TAF4B: variants seen among roughly 807,000 people sequenced by gnomAD.
TAF4B encodes the protein transcription initiation factor TFIID subunit 4B.
In TAF4B, 38 loss-of-function variants were observed where a neutral mutation model predicts 86.4. That is an observed-to-expected ratio of 0.44 (90% CI 0.34 to 0.58). The LOEUF (loss-of-function observed/expected upper bound fraction) is 0.58. Among genes scored for constraint, TAF4B ranks in the 20% least tolerant of loss-of-function variants. The probability of loss-of-function intolerance (pLI) is 0.02; values close to 1 mark genes in which losing one functional copy is unlikely to be tolerated. For missense variants in TAF4B, 988 were observed against 1,027.6 expected (o/e 0.96, Z 0.53); for synonymous variants, 388 against 391.2 (o/e 0.99, Z 0.10).
At position 26,389,984 on chromosome 18, in the gene TAF4B, G is replaced by C; in HGVS notation, c.2561G>C (p.Arg854Pro). ...MEQEREMKYS[R>P]ALYLALLK Reference sequence around the variant, plus strand: ...CAGGAACGGGAGATGAAGTATTCTCGAGCTCTATACCTGGCCCTTCTGAAG... The same window carrying C: ...CAGGAACGGGAGATGAAGTATTCTCCAGCTCTATACCTGGCCCTTCTGAAG... The change falls in exon 15 of 15, where the codon CGA becomes CCA. Residue 854 changes from arginine to proline, a missense_variant. Arg to Pro is a moderately radical substitution (Grantham distance 103). Coordinates refer to ENST00000269142, the MANE Select transcript of TAF4B (RefSeq NM_005640.3). 1 of 1,614,006 alleles carries C rather than the reference G, an allele frequency of 6.2e-7. No homozygotes were observed. The highest frequency in any genetic ancestry group is 8.5e-7 in the Non-Finnish European group (1 of 1,179,978).
rs8083842 is a variant in TAF4B at position 26,255,932 on chromosome 18, G to A, written c.344-9238G>A. ...CAGAAGCCATCTCTGTATCTGAGCC[G>A]TCATCTGACTGGTTACTGTAACAAG... is the stretch of plus-strand genomic sequence containing the variant. On this transcript the variant is annotated intron_variant, in intron 1 of 14. Coordinates refer to ENST00000269142, the MANE Select transcript of TAF4B (RefSeq NM_005640.3). 2,858 of 1,285,258 alleles carry A rather than the reference G, an allele frequency of 2.2e-3. 28 individuals are homozygous for A. In the African/African-American group the frequency reaches 0.034, roughly 15 times the overall value. The allele number at this position is 1,285,258 out of a possible 1,614,324, so 79.6% of individuals were successfully genotyped here.
intron 13 of TAF4B, among the ~76,000 whole-genome samples, chr18:26,347,237 C>T (rs1019443209): frequency 6.6e-6 from 1 of 151,748 alleles, no homozygotes; most frequent in Non-Finnish European, 1.5e-5. Context: ...GAATATTATA[C>T]CCAGCAAAAC....
At chr18:26,338,152 G>A (rs1050255896) in intron 13 of TAF4B, among the ~76,000 whole-genome samples, 6 of 151,944 alleles carry the variant, frequency 3.9e-5, no homozygotes, top group Non-Finnish European at 5.9e-5. Flanking sequence ...AACTGTTAAG[G>A]ACTAGAATTC....
intron 13 of TAF4B, among the ~76,000 whole-genome samples, chr18:26,341,905 T>C (rs2057139883): frequency 1.3e-5 from 2 of 152,086 alleles, no homozygotes; most frequent in South Asian, 4.1e-4. Flanking sequence ...AGTTTTTTTT[T>C]CCTGTTTGTT....
chr18:26,313,164 G>A (rs2056869466), intron 9 of TAF4B, among the ~76,000 whole-genome samples: 1 of 152,160 alleles, frequency 6.6e-6, no homozygotes, highest in Non-Finnish European at 1.5e-5. Context: ...ACCTTAGAAA[G>A]CACCTAATCT....
chr18:26,260,624 C>A (rs796614249), intron 1 of TAF4B, among the ~76,000 whole-genome samples: 2 of 152,150 alleles, frequency 1.3e-5, no homozygotes, highest in South Asian at 4.1e-4. Flanking sequence ...GGGCTCTGTT[C>A]TGTTCCATTG....
rs145186044 is a variant in TAF4B, at chr18:26,335,291, C to A, written c.2316+60C>A. 3.9e-5 allele frequency: 57 copies of A among 1,443,182 alleles called. No individual in the cohort carries two copies. The African/African-American group carries it at 6.4e-4, about 16-fold the overall frequency. The allele number at this position is 1,443,182 out of a possible 1,614,324, so 89.4% of individuals were successfully genotyped here. A position where few individuals can be genotyped will look rare whatever the true frequency, so the allele number is the denominator to read the frequency against. On this transcript the variant is annotated intron_variant, in intron 13 of 14. Transcript: ENST00000269142. ...TTTGAGGGAAGGTTGGCAGCTCTCTCCTGGCAATTAGGTCAGGGTTTATTT... is the reference window on the plus strand; with the variant it reads ...TTTGAGGGAAGGTTGGCAGCTCTCTACTGGCAATTAGGTCAGGGTTTATTT...
chr18:26,277,672 C>T (rs1034075084), intron 5 of TAF4B, among the ~76,000 whole-genome samples: 13 of 152,082 alleles, frequency 8.5e-5, no homozygotes, highest in African/African-American at 3.1e-4. Context: ...AATAGCTTTT[C>T]TCCAGATCAT....
chr18:26,261,466 C>G (rs1284618613), intron 1 of TAF4B, among the ~76,000 whole-genome samples: 1 of 152,192 alleles, frequency 6.6e-6, no homozygotes, highest in Non-Finnish European at 1.5e-5. Context: ...TCCCAAAGTG[C>G]TGGGATTACA....
At chr18:26,244,258 T>C (rs559634219) in intron 1 of TAF4B, among the ~76,000 whole-genome samples, 22 of 152,366 alleles carry the variant, frequency 1.4e-4, no homozygotes, top group African/African-American at 5.3e-4. Context: ...TGTTTACCTA[T>C]TCAAGCCTCC....
intron 14 of TAF4B, among the ~76,000 whole-genome samples, chr18:26,374,166 A>T (rs2057426572): frequency 6.6e-6 from 1 of 152,136 alleles, no homozygotes; most frequent in Non-Finnish European, 1.5e-5. Flanking sequence ...TTGTGTGTTA[A>T]TGGTGTTTTA....
In TAF4B at chr18:26,229,494, C is replaced by CTT. The variant is rs34261854; in HGVS notation, c.343+2235_343+2236dup. Among the ~76,000 whole-genome samples, 48 of 129,360 alleles carry CTT rather than the reference C, an allele frequency of 3.7e-4. 1 individual carries two copies. Among genetic ancestry groups the CTT allele is most frequent in the Non-Finnish European group, 5.0e-4 (31 of 61,966 alleles). The allele number at this position is 129,360 out of a possible 152,430, so 84.9% of individuals were successfully genotyped here. On this transcript the variant is annotated intron_variant, in intron 1 of 14. Transcript: ENST00000269142. ...ATTTCTTTTATATCTTTCTTTCTTT[C>CTT]TTTTTTTTTTTTTTTTTTCTTTCTC...
chr18:26,387,766 T>G (rs1978462200), intron 14 of TAF4B, among the ~76,000 whole-genome samples: 1 of 152,182 alleles, frequency 6.6e-6, no homozygotes, highest in South Asian at 2.1e-4. Context: ...TTTCCAAAAT[T>G]GTTTCCATGG....
At chr18:26,346,614 C>G (rs1237115196) in intron 13 of TAF4B, among the ~76,000 whole-genome samples, 1 of 149,826 alleles carries the variant, frequency 6.7e-6, no homozygotes, top group Non-Finnish European at 1.5e-5. Context: ...TGTCAATTCA[C>G]AAATAAAGGT....
intron 3 of TAF4B, among the ~76,000 whole-genome samples, chr18:26,269,676 T>C (rs2056288416): frequency 1.3e-5 from 2 of 151,654 alleles, no homozygotes; most frequent in African/African-American, 4.8e-5. Flanking sequence ...TACCATTTGT[T>C]GTCACTTAAC....
At chr18:26,308,254 A>AGT (rs2056816705) in intron 9 of TAF4B, among the ~76,000 whole-genome samples, 1 of 152,128 alleles carries the variant, frequency 6.6e-6, no homozygotes, top group Non-Finnish European at 1.5e-5. Flanking sequence ...AAAGAGAGAG[A>AGT]GAAAAAAGAA....
intron 14 of TAF4B, among the ~76,000 whole-genome samples, chr18:26,370,767 A>G (rs556673461): frequency 6.6e-6 from 1 of 152,302 alleles, no homozygotes; most frequent in South Asian, 2.1e-4. Context: ...TGGACTCACC[A>G]ATAGAGATAC....
rs1567934019 is a variant in TAF4B, at chr18:26,385,682, T to TC, written c.2422-4163_2422-4162insC. Among the ~76,000 whole-genome samples, 33 of 141,150 alleles carry TC rather than the reference T, an allele frequency of 2.3e-4. 1 individual carries two copies. Among genetic ancestry groups the TC allele is most frequent in the African/African-American group, 7.4e-4 (29 of 39,266 alleles). The allele number at this position is 141,150 out of a possible 152,430, so 92.6% of individuals were successfully genotyped here. A position where few individuals can be genotyped will look rare whatever the true frequency, so the allele number is the denominator to read the frequency against. Reference sequence around the variant, plus strand: ...AACAGTGAGAAGAATAAACAGCGTTTTTTTTTTTTTTTCTTCTTCTTCTTC... The same window carrying TC: ...AACAGTGAGAAGAATAAACAGCGTTTCTTTTTTTTTTTTCTTCTTCTTCTTC... On this transcript the variant is annotated intron_variant, in intron 14 of 14. Transcript: ENST00000269142.
At chr18:26,288,718 A>C (rs891638451) in intron 7 of TAF4B, among the ~76,000 whole-genome samples, 1 of 152,166 alleles carries the variant, frequency 6.6e-6, no homozygotes, top group Non-Finnish European at 1.5e-5. Flanking sequence ...CCATTAGGGT[A>C]TGGTGCTCTT....
Sources: gnomAD v4.1 joint callset for allele counts (sites outside exome capture counted in the v4.1 genomes callset) on GRCh38, gnomAD v4.1.1 for gene constraint, MANE v1.5 for transcripts, NCBI Gene and HGNC (gene_info 2026-07-23, HGNC 2026-07-21) for gene names.